The following PCLAF variants were observed in gnomAD, a reference collection of about 807,000 sequenced individuals.
The protein encoded by PCLAF is PCNA-associated factor.
Under a neutral mutation model 15.1 loss-of-function variants are expected in PCLAF, and 12 were observed. The observed-to-expected ratio is 0.79, with a 90% CI of 0.51 to 1.29. The LOEUF (loss-of-function observed/expected upper bound fraction) is 1.29, where lower values mean the gene tolerates loss of function less well. PCLAF is among the 50% of genes most tolerant of loss of function. The pLI is 0.00. For synonymous variants in PCLAF, 33 were observed against 47.1 expected (o/e 0.70, Z 1.22); for missense variants, 116 against 130.9 (o/e 0.89, Z 0.56).
At chr15:64,380,023 C>T (rs1899760938) in intron 2 of PCLAF, among the ~76,000 whole-genome samples, 1 of 152,166 alleles carries the variant, frequency 6.6e-6, no homozygotes, top group Non-Finnish European at 1.5e-5. Flanking sequence ...ATTGTTCAAA[C>T]CCTTAATCTA....
At chr15:64,370,512 C>T (rs920411843) in intron 3 of PCLAF, among the ~76,000 whole-genome samples, 2 of 151,490 alleles carry the variant, frequency 1.3e-5, no homozygotes, top group African/African-American at 4.9e-5. Flanking sequence ...GGATTATGGG[C>T]ACCTGCCACC....
chr15:64,380,815 C>T (rs1253928848), intron 2 of PCLAF, 143 bp downstream of exon 2: 1 of 657,004 alleles, frequency 1.5e-6, no homozygotes, highest in African/African-American at 1.8e-5. Context: ...CCCTAGCCGG[C>T]CAAAAGGCCC....
Position 64,365,499 on chromosome 15 carries a change from C to T in PCLAF, c.*531G>A, listed in dbSNP as rs1413364124. 1.9e-5 allele frequency: 3 copies of T among 154,616 alleles called. No individual in the cohort carries two copies. The highest frequency in any genetic ancestry group is 7.2e-5 in the African/African-American group (3 of 41,438). 9.6% of individuals were successfully genotyped at this position (154,616 alleles called of 1,614,324 possible). On this transcript the variant is annotated 3_prime_UTR_variant, in exon 4 of 4. Transcript: ENST00000300035. ...AACCCTCAAGACCAAATTATCTTTA[C>T]ATTTTTTTAAAGAGAAGATATCCAT...
upstream of PCLAF, among the ~76,000 whole-genome samples, chr15:64,381,756 G>C (rs1328622741): frequency 6.6e-6 from 1 of 152,196 alleles, no homozygotes; most frequent in Non-Finnish European, 1.5e-5. Flanking sequence ...AATTACAAAC[G>C]ATCTTCAAAA....
intron 1 of PCLAF, among the ~76,000 whole-genome samples, chr15:64,387,239 G>A (rs995857408): frequency 9.9e-5 from 15 of 152,082 alleles, no homozygotes; most frequent in Admixed American, 1.3e-4. Flanking sequence ...AAAATTAGCC[G>A]GGCGTGGTGG....
chr15:64,367,029 G>A (rs1270547296), intron 3 of PCLAF, among the ~76,000 whole-genome samples: 1 of 151,784 alleles, frequency 6.6e-6, no homozygotes, highest in South Asian at 2.1e-4. Context: ...GACTCAGGAG[G>A]CCTGAGGCAG....
At chr15:64,387,449 C>T (rs1225449365) in exon 1 of PCLAF, 34 of 1,234,204 alleles carry the variant, frequency 2.8e-5, no homozygotes, top group Non-Finnish European at 3.3e-5. Context: ...AAACTTACAG[C>T]GCTTACAATA....
At chr15:64,384,279 A>G (rs1899890955), upstream of PCLAF, among the ~76,000 whole-genome samples, 1 of 151,992 alleles carries the variant, frequency 6.6e-6, no homozygotes, top group African/African-American at 2.4e-5. Flanking sequence ...GATTACAGGT[A>G]TGTGCCACCA....
chr15:64,383,859 A>G (rs972113479), upstream of PCLAF, among the ~76,000 whole-genome samples: 2 of 152,110 alleles, frequency 1.3e-5, no homozygotes, highest in Admixed American at 1.3e-4. Context: ...GGCAGTCTAC[A>G]TATTACTATA....
intron 3 of PCLAF, among the ~76,000 whole-genome samples, chr15:64,374,794 G>A (rs1355436232): frequency 1.4e-5 from 2 of 141,636 alleles, no homozygotes; most frequent in African/African-American, 2.7e-5. Flanking sequence ...TGAAGTGAGC[G>A]AACATTGGGC....
At chr15:64,378,737 C>T (rs1241466035) in intron 2 of PCLAF, among the ~76,000 whole-genome samples, 1 of 152,014 alleles carries the variant, frequency 6.6e-6, no homozygotes, top group Non-Finnish European at 1.5e-5. Flanking sequence ...ATGGTGAAAC[C>T]CTGCCTCCAC....
intron 3 of PCLAF, among the ~76,000 whole-genome samples, chr15:64,369,431 TA>T (rs1212428111): frequency 1.3e-5 from 2 of 151,868 alleles, no homozygotes; most frequent in African/African-American, 4.8e-5. Context: ...GGTTGATTTT[TA>T]TGGAAACCAG....
At chr15:64,381,494 A>G, upstream of PCLAF, 2 of 1,583,828 alleles carry the variant, frequency 1.3e-6, no homozygotes, top group East Asian at 2.3e-5. Flanking sequence ...CGCGCGCTCC[A>G]AGGTCTCTCC....
At chr15:64,377,700 A>G (rs1899666006) in intron 2 of PCLAF, among the ~76,000 whole-genome samples, 1 of 146,082 alleles carries the variant, frequency 6.8e-6, no homozygotes, top group African/African-American at 2.5e-5. Context: ...CCATTTTTCA[A>G]AGCACCTGGC....
In PCLAF at chr15:64,371,829, T is replaced by A. The variant is rs368257992; in HGVS notation, c.290+4914A>T. Among the ~76,000 whole-genome samples the A allele has an allele frequency of 7.2e-5, 11 of 152,046 alleles. No homozygotes were observed. The East Asian group carries it at 1.4e-3, about 19-fold the overall frequency. On this transcript the variant is annotated intron_variant, in intron 3 of 3. Transcript: ENST00000300035. ...CCAGGATGGTTTCGAACTCCTGGCC[T>A]CTAGTGATCTGCCCACCTTGGCCTC...
chr15:64,366,026 A>C lies in PCLAF; in HGVS notation c.*4T>G, dbSNP rs1413259903. 4 of 1,606,370 alleles carry C rather than the reference A, an allele frequency of 2.5e-6. No individual in the cohort carries two copies. The highest frequency in any genetic ancestry group is 3.4e-6 in the Non-Finnish European group (4 of 1,174,634). ...GACGTTATTCAAAGATGAATGAGAA[A>C]GTTCTATTCTTTTTCATCATTTGTG... is the stretch of plus-strand genomic sequence containing the variant. On this transcript the variant is annotated 3_prime_UTR_variant, in exon 4 of 4. Transcript: ENST00000300035.
In PCLAF at chr15:64,368,413, C is replaced by G. The variant is rs1899139143; in HGVS notation, c.291-2338G>C. Reference sequence around the variant, plus strand: ...TTTCCTGGAAATTAAATCAAATTAACAAATGAACATTATCATAACCCAGAC... The same window carrying G: ...TTTCCTGGAAATTAAATCAAATTAAGAAATGAACATTATCATAACCCAGAC... On this transcript the variant is annotated intron_variant, in intron 3 of 3. Coordinates refer to ENST00000300035, the MANE Select transcript of PCLAF (RefSeq NM_014736.6). Among the ~76,000 whole-genome samples, 4 of 152,110 alleles carry G rather than the reference C, an allele frequency of 2.6e-5. 1 individual carries two copies. In the South Asian group the frequency reaches 8.3e-4, roughly 32 times the overall value.
chr15:64,375,188 G>T (rs768422754), intron 3 of PCLAF, among the ~76,000 whole-genome samples: 1 of 151,906 alleles, frequency 6.6e-6, no homozygotes, highest in Non-Finnish European at 1.5e-5. Context: ...GCAGTGGTGC[G>T]ATCTCAGCTC....
At chr15:64,367,453 A>T (rs1322411360) in intron 3 of PCLAF, among the ~76,000 whole-genome samples, 1 of 151,072 alleles carries the variant, frequency 6.6e-6, no homozygotes, top group Non-Finnish European at 1.5e-5. Context: ...CCGTGAGCCA[A>T]AACTGAATCA....
Sources: allele counts gnomAD v4.1 joint callset (sites outside exome capture counted in the v4.1 genomes callset), GRCh38; gene constraint gnomAD v4.1.1; transcripts MANE v1.5; gene names NCBI Gene and HGNC (gene_info 2026-07-23, HGNC 2026-07-21).